The following PIEZO2 variants were observed in gnomAD, a reference collection of about 807,000 sequenced individuals.
PIEZO2 encodes the protein piezo type mechanosensitive ion channel component 2.
A neutral mutation model predicts 337.3 loss-of-function variants in PIEZO2; 172 were observed. That is an observed-to-expected ratio of 0.51 (90% CI 0.45 to 0.58). The LOEUF (loss-of-function observed/expected upper bound fraction) is 0.58. Ranked by LOEUF, PIEZO2 falls within the 20% of genes least tolerant of loss-of-function variation. PIEZO2 has a pLI of 0.00. For missense variants in PIEZO2, 3,028 were observed against 3,391.3 expected (o/e 0.89, Z 2.66); for synonymous variants, 1,251 against 1,228.5 (o/e 1.02, Z -0.38).
In PIEZO2 at chr18:10,846,823, A is replaced by C. The variant is rs1340016639; in HGVS notation, c.917+8530T>G. Among the ~76,000 whole-genome samples, 8 of 152,214 alleles carry C rather than the reference A, an allele frequency of 5.3e-5. No homozygotes were observed. Among genetic ancestry groups the C allele is most frequent in the African/African-American group, 9.6e-5 (4 of 41,464 alleles). Reference sequence around the variant, plus strand: ...GGAGATTTCCAGCAAAGGAAACAGTATAAGGGATGGAATTGCTTTATGTGC... The same window carrying C: ...GGAGATTTCCAGCAAAGGAAACAGTCTAAGGGATGGAATTGCTTTATGTGC... On this transcript the variant is annotated intron_variant, in intron 7 of 55. Transcript: ENST00000674853. This position sits in a 1 kb window ranked among gnomAD's most constrained non-coding sequence, Gnocchi z 4.1.
rs1245403053 is a variant in PIEZO2 at position 10,870,404 on chromosome 18, G to A, written c.492+849C>T. Among the ~76,000 whole-genome samples the A allele has an allele frequency of 1.3e-5, 2 of 151,412 alleles. No individual in the cohort carries two copies. Among genetic ancestry groups the A allele is most frequent in the African/African-American group, 4.8e-5 (2 of 41,348 alleles). Reference sequence around the variant, plus strand: ...TAATATCTTGCCAAAGCTTATGACTGAAAACATTTAGTACTTGCAAGCGTT... The same window carrying A: ...TAATATCTTGCCAAAGCTTATGACTAAAAACATTTAGTACTTGCAAGCGTT... On this transcript the variant is annotated intron_variant, in intron 5 of 55. Transcript: ENST00000674853. The surrounding 1 kb of genome is among the most constrained non-coding windows in gnomAD (Gnocchi z 5.3).
chr18:10,970,672 A>T (rs1042202808), intron 3 of PIEZO2, among the ~76,000 whole-genome samples: 77 of 140,870 alleles, frequency 5.5e-4, no homozygotes, highest in Middle Eastern at 4.0e-3. Context: ...ACACACACAC[A>T]CACACACACA....
chr18:10,763,282 A>G, intron 21 of PIEZO2, 184 bp from the exon 22 acceptor site: 1 of 613,660 alleles, frequency 1.6e-6, no homozygotes, highest in Non-Finnish European at 2.8e-6. Context: ...CTCACCCCTC[A>G]AGGGCATTAT....
intron 1 of PIEZO2, among the ~76,000 whole-genome samples, chr18:11,145,951 A>C (rs568479292): frequency 2.6e-5 from 4 of 152,240 alleles, no homozygotes; most frequent in African/African-American, 9.6e-5. Context: ...GGGGAAAGCA[A>C]CAGGTTCCAG....
At chr18:11,007,710 C>T (rs111440955) in intron 2 of PIEZO2, among the ~76,000 whole-genome samples, 179 of 152,212 alleles carry the variant, frequency 1.2e-3, no homozygotes, top group African/African-American at 4.2e-3. Context: ...GATGTTGGAA[C>T]GACAGGTAAG....
rs1451314781 is a variant in PIEZO2 at position 10,861,198 on chromosome 18, G to A, written c.493-3987C>T. On this transcript the variant is annotated intron_variant, in intron 5 of 55. Transcript: ENST00000674853. This position sits in a 1 kb window ranked among gnomAD's most constrained non-coding sequence, Gnocchi z 4.3. Reference sequence around the variant, plus strand: ...GCTGGAGCTGTAAGCTGTCCCTGCAGCGGAACAGAACTTCAATCTGGCCTT... The same window carrying A: ...GCTGGAGCTGTAAGCTGTCCCTGCAACGGAACAGAACTTCAATCTGGCCTT... Among the ~76,000 whole-genome samples the A allele has an allele frequency of 6.6e-6, 1 of 152,242 alleles. No individual in the cohort carries two copies. The highest frequency in any genetic ancestry group is 6.5e-5 in the Admixed American group (1 of 15,286).
At chr18:10,836,118 A>G (rs1016637194) in intron 7 of PIEZO2, among the ~76,000 whole-genome samples, 8 of 152,156 alleles carry the variant, frequency 5.3e-5, no homozygotes, top group African/African-American at 1.7e-4. Context: ...GTACCACAAA[A>G]TGGAATAAAG....
rs146808819 is a variant in PIEZO2 at position 11,029,202 on chromosome 18, C to A, written c.160+36925G>T. Among the ~76,000 whole-genome samples, 18 of 152,272 alleles carry A rather than the reference C, an allele frequency of 1.2e-4. 1 individual carries two copies. In the East Asian group the frequency reaches 3.5e-3, roughly 29 times the overall value. On this transcript the variant is annotated intron_variant, in intron 2 of 55. Coordinates refer to ENST00000674853, the MANE Select transcript of PIEZO2 (RefSeq NM_001378183.1). Reference sequence around the variant, plus strand: ...AGGTTCCCTGCCAACGCAAACACAACCTGTCCAAAAAGCAGCTCTGATTTT... The same window carrying A: ...AGGTTCCCTGCCAACGCAAACACAAACTGTCCAAAAAGCAGCTCTGATTTT...
At chr18:11,057,132 C>T (rs1307899284) in intron 2 of PIEZO2, among the ~76,000 whole-genome samples, 1 of 152,014 alleles carries the variant, frequency 6.6e-6, no homozygotes, top group African/African-American at 2.4e-5. Flanking sequence ...TGGACCTTCT[C>T]CTGAGGGTCT....
At chr18:11,123,605 G>A (rs1407840530) in intron 1 of PIEZO2, among the ~76,000 whole-genome samples, 2 of 152,058 alleles carry the variant, frequency 1.3e-5, no homozygotes, top group Non-Finnish European at 2.9e-5. Flanking sequence ...TCAGGAGATT[G>A]AGACCATCCT....
intron 2 of PIEZO2, 123 bp downstream of exon 2, chr18:11,066,004 T>C: frequency 1.4e-6 from 1 of 722,554 alleles, no homozygotes; most frequent in South Asian, 2.0e-5. Context: ...ACCCACTCCA[T>C]GCCATATTAG....
At position 11,069,056 on chromosome 18, in the gene PIEZO2, T is replaced by C. The variant is rs2038249478; in HGVS notation, c.65-2834A>G. Reference sequence around the variant, plus strand: ...AAGTCTCCCCTCAAAAATAAATGAATAAATAAATAAAAGCCCAGGACCTCA... The same window carrying C: ...AAGTCTCCCCTCAAAAATAAATGAACAAATAAATAAAAGCCCAGGACCTCA... On this transcript the variant is annotated intron_variant, in intron 1 of 55. Transcript: ENST00000674853. This position sits in a 1 kb window ranked among gnomAD's most constrained non-coding sequence, Gnocchi z 4.9. 6.6e-6 allele frequency among the ~76,000 whole-genome samples: 1 copy of C among 151,556 alleles called. No homozygotes were observed. The highest frequency in any genetic ancestry group is 6.6e-5 in the Admixed American group (1 of 15,240).
intron 1 of PIEZO2, among the ~76,000 whole-genome samples, chr18:11,082,184 A>G (rs1248319509): frequency 1.3e-5 from 2 of 152,268 alleles, no homozygotes; most frequent in African/African-American, 2.4e-5. Context: ...CTAACATAGG[A>G]AATCTAATTA....
rs2037272107 is a variant in PIEZO2, at chr18:10,742,712, T to G, written c.4515-97A>C. 5 of 1,315,800 alleles carry G rather than the reference T, an allele frequency of 3.8e-6. No individual in the cohort carries two copies. The South Asian group carries it at 7.5e-5, about 20-fold the overall frequency. 81.5% of individuals were successfully genotyped at this position (1,315,800 alleles called of 1,614,324 possible). ...TATGCTGTTACGTATATAGCTAAAT[T>G]CGTGGACAAACTACTTTGGAATACT... On this transcript the variant is annotated intron_variant, in intron 31 of 55. Transcript: ENST00000674853.
intron 5 of PIEZO2, among the ~76,000 whole-genome samples, chr18:10,857,667 T>G (rs1309350539): frequency 1.3e-5 from 2 of 152,228 alleles, no homozygotes; most frequent in Non-Finnish European, 2.9e-5. Context: ...TAAGTTTATC[T>G]TTGTTCACTA....
chr18:11,081,873 T>C (rs1389147329), intron 1 of PIEZO2, among the ~76,000 whole-genome samples: 5 of 151,728 alleles, frequency 3.3e-5, no homozygotes, highest in Admixed American at 3.3e-4. Context: ...GATTCTCCTG[T>C]CTCAGCCTCC....
Position 11,027,267 on chromosome 18 carries a change from C to T in PIEZO2, c.160+38860G>A, listed in dbSNP as rs570889892. Among the ~76,000 whole-genome samples the T allele has an allele frequency of 6.6e-6, 1 of 152,260 alleles. No homozygotes were observed. The highest frequency in any genetic ancestry group is 6.5e-5 in the Admixed American group (1 of 15,288). On this transcript the variant is annotated intron_variant, in intron 2 of 55. Coordinates refer to ENST00000674853, the MANE Select transcript of PIEZO2 (RefSeq NM_001378183.1). This position sits in a 1 kb window ranked among gnomAD's most constrained non-coding sequence, Gnocchi z 4.2. Reference sequence around the variant, plus strand: ...GGAAAAGGAACAGCATGAGCCGTGACCCCTGAGTTCTGAGCTCCAGTCAAG... The same window carrying T: ...GGAAAAGGAACAGCATGAGCCGTGATCCCTGAGTTCTGAGCTCCAGTCAAG...
chr18:11,029,383 G>C (rs1017873289), intron 2 of PIEZO2, among the ~76,000 whole-genome samples: 2 of 152,030 alleles, frequency 1.3e-5, no homozygotes, highest in African/African-American at 4.8e-5. Context: ...AGTTTTGTTG[G>C]GTTTTTCACC....
chr18:10,800,368 C>T lies in PIEZO2; in HGVS notation c.1347G>A (p.Gln449=). ...PGKADLYSTP[Q]YRWEPSDESS... Reference sequence around the variant, plus strand: ...ATTCATCAGAGGGCTCCCACCGGTACTGAGGGGTGGAGTAGAGGTCGGCTT... The same window carrying T: ...ATTCATCAGAGGGCTCCCACCGGTATTGAGGGGTGGAGTAGAGGTCGGCTT... The change falls in exon 11 of 56, where the codon CAG becomes CAA. Residue 449 remains glutamine (Q), a synonymous_variant. Transcript: ENST00000674853. 6.5e-7 allele frequency: 1 copy of T among 1,536,444 alleles called. No homozygotes were observed. The highest frequency in any genetic ancestry group is 8.7e-7 in the Non-Finnish European group (1 of 1,146,534).
Sources: gnomAD v4.1 joint callset for allele counts (sites outside exome capture counted in the v4.1 genomes callset) on GRCh38, gnomAD v4.1.1 for gene constraint, Gnocchi (gnomAD v3.1) non-coding constraint, MANE v1.5 for transcripts, NCBI Gene and HGNC (gene_info 2026-07-23, HGNC 2026-07-21) for gene names.